MAST4: variants seen among roughly 807,000 people sequenced by gnomAD.
The protein encoded by MAST4 is microtubule associated serine/threonine kinase family member 4, also known as microtubule-associated serine/threonine-protein kinase 4.
MAST4 carries 89 observed loss-of-function variants against 162.7 expected under a neutral mutation model. That is an observed-to-expected ratio of 0.55 (90% CI 0.46 to 0.65). The LOEUF (loss-of-function observed/expected upper bound fraction) is 0.65. Among genes scored for constraint, MAST4 ranks in the 30% least tolerant of loss-of-function variants. The probability of loss-of-function intolerance (pLI) is 0.00; values close to 1 mark genes in which losing one functional copy is unlikely to be tolerated. For missense variants in MAST4, 3,153 were observed against 3,374.0 expected (o/e 0.93, Z 1.62); for synonymous variants, 1,479 against 1,361.1 (o/e 1.09, Z -1.91).
intron 1 of MAST4, among the ~76,000 whole-genome samples, chr5:66,751,083 G>T (rs528438703): frequency 1.0e-3 from 156 of 152,092 alleles, no homozygotes; most frequent in African/African-American, 3.6e-3. Context: ...GCAGCTGAGG[G>T]TCCTGTCTGT....
At chr5:66,855,558 G>C (rs1319117692) in intron 3 of MAST4, among the ~76,000 whole-genome samples, 4 of 152,184 alleles carry the variant, frequency 2.6e-5, no homozygotes, top group Non-Finnish European at 5.9e-5. Flanking sequence ...GTAGCTTCGG[G>C]ATGTTGTCAA....
chr5:67,072,745 A>G (rs1017221960), intron 5 of MAST4, among the ~76,000 whole-genome samples: 102 of 152,330 alleles, frequency 6.7e-4, no homozygotes, highest in African/African-American at 2.4e-3. Flanking sequence ...AGTGGGAGAA[A>G]GGAGTGATAT....
chr5:66,663,194 G>A (rs542771854), intron 1 of MAST4, among the ~76,000 whole-genome samples: 1 of 152,164 alleles, frequency 6.6e-6, no homozygotes, highest in South Asian at 2.1e-4. Flanking sequence ...TAGGCTGTAT[G>A]CCACCCACCT....
intron 2 of MAST4, among the ~76,000 whole-genome samples, chr5:66,774,193 G>T (rs1561321464): frequency 6.6e-6 from 1 of 152,194 alleles, no homozygotes; most frequent in Non-Finnish European, 1.5e-5. Context: ...CAAGGAAAAA[G>T]GGTTTAGATT....
Position 67,164,072 on chromosome 5 carries a change from G to C in MAST4, c.4893G>C (p.Gln1631His), listed in dbSNP as rs1324139001. ...GCCGGGTGCCTGCGGAGCACCGCCA[G>C]GGTGGCGGGGACTTCAGACGGGCCC... is the stretch of plus-strand genomic sequence containing the variant. ...SDGRVPAEHRQGGGDFRRAPA... is the reference protein window; with the variant it reads ...SDGRVPAEHRHGGGDFRRAPA... Residue 1631 changes from glutamine to histidine, a missense_variant, in exon 29 of 29, where the codon CAG becomes CAC. Gln to His is a conservative substitution (Grantham distance 24). This residue lies in a region of MAST4 where 1,644 missense variants were observed against 1,495.0 expected (regional missense o/e 1.10). Transcript: ENST00000403625. This position sits in a 1 kb window ranked among gnomAD's most constrained non-coding sequence, Gnocchi z 5.3. 6.4e-7 allele frequency: 1 copy of C among 1,569,650 alleles called. No homozygotes were observed. The highest frequency in any genetic ancestry group is 1.2e-5 in the South Asian group (1 of 85,786).
chr5:66,617,713 A>T (rs898829526), intron 1 of MAST4, among the ~76,000 whole-genome samples: 1 of 152,214 alleles, frequency 6.6e-6, no homozygotes, highest in African/African-American at 2.4e-5. Context: ...TCTTGTCCAC[A>T]TGCATGCTCA....
At chr5:66,994,172 C>T (rs561036247) in intron 4 of MAST4, among the ~76,000 whole-genome samples, 1 of 152,134 alleles carries the variant, frequency 6.6e-6, no homozygotes, top group East Asian at 1.9e-4. Flanking sequence ...CACAAGAGAT[C>T]GTGGAAGCCA....
chr5:66,823,367 C>A (rs1757085564), intron 3 of MAST4, among the ~76,000 whole-genome samples: 1 of 152,186 alleles, frequency 6.6e-6, no homozygotes, highest in Admixed American at 6.5e-5. Context: ...GATTCCTCAT[C>A]TGTGAAATGG....
At chr5:66,604,605 T>C (rs1051517495) in intron 1 of MAST4, among the ~76,000 whole-genome samples, 2 of 152,218 alleles carry the variant, frequency 1.3e-5, no homozygotes, top group Non-Finnish European at 2.9e-5. Flanking sequence ...TAGATGACTG[T>C]CTGTTAAACT....
At chr5:66,786,285 T>A (rs80238074) in intron 2 of MAST4, among the ~76,000 whole-genome samples, 4 of 151,952 alleles carry the variant, frequency 2.6e-5, no homozygotes, top group Admixed American at 2.0e-4. Context: ...TTTTTTTTTT[T>A]AATCTACGTT....
chr5:67,056,784 C>T (rs1758878402), intron 5 of MAST4, among the ~76,000 whole-genome samples: 1 of 152,172 alleles, frequency 6.6e-6, no homozygotes, highest in Non-Finnish European at 1.5e-5. Flanking sequence ...GTAACTTCTG[C>T]CTCCTGGGTT....
chr5:67,086,914 T>C (rs1763306987), intron 5 of MAST4, among the ~76,000 whole-genome samples: 1 of 152,246 alleles, frequency 6.6e-6, no homozygotes, highest in Non-Finnish European at 1.5e-5. Context: ...TAATTTGGCC[T>C]GTTCTAAATT....
intron 4 of MAST4, among the ~76,000 whole-genome samples, chr5:66,967,951 G>A (rs1425300620): frequency 2.0e-5 from 3 of 152,118 alleles, no homozygotes; most frequent in African/African-American, 7.2e-5. Context: ...GGAGCTGTTT[G>A]TATAATGGTG....
At chr5:67,144,181 C>T (rs1770759911) in intron 21 of MAST4, among the ~76,000 whole-genome samples, 1 of 152,188 alleles carries the variant, frequency 6.6e-6, no homozygotes, top group South Asian at 2.1e-4. Context: ...CCTTGCCACA[C>T]CACCACCCAG....
chr5:66,857,967 AT>A (rs1425953606), intron 3 of MAST4, among the ~76,000 whole-genome samples: 4 of 150,160 alleles, frequency 2.7e-5, no homozygotes, highest in Non-Finnish European at 3.0e-5. Flanking sequence ...TCATTTTTTT[AT>A]TTTTTTGAGA....
intron 3 of MAST4, among the ~76,000 whole-genome samples, chr5:66,788,999 C>G (rs988209796): frequency 1.3e-5 from 2 of 152,246 alleles, no homozygotes; most frequent in Non-Finnish European, 2.9e-5. Flanking sequence ...TTGGCCTCAT[C>G]TCTACCCTTC....
chr5:66,920,867 T>C (rs1330240928), intron 4 of MAST4, among the ~76,000 whole-genome samples: 4 of 152,142 alleles, frequency 2.6e-5, no homozygotes, highest in Admixed American at 1.3e-4. Flanking sequence ...GTCATTAGAA[T>C]AGAGAACTTT....
At chr5:66,874,336 G>A (rs1761146201) in intron 3 of MAST4, among the ~76,000 whole-genome samples, 1 of 152,166 alleles carries the variant, frequency 6.6e-6, no homozygotes, top group African/African-American at 2.4e-5. Flanking sequence ...TTTGATATGG[G>A]AGCATCAGGG....
chr5:66,788,607 C>CCAAGAAAAAAAAAAAAAAA, intron 2 of MAST4, 63 bp from the exon 3 acceptor site: 1 of 1,373,726 alleles, frequency 7.3e-7, no homozygotes, highest in Non-Finnish European at 1.0e-6. Flanking sequence ...CCCCCACCCC[C>CCAAGAAAAAAAAAAAAAAA]ATTGCAATAA....
Sources: gnomAD v4.1 joint callset for allele counts (sites outside exome capture counted in the v4.1 genomes callset) on GRCh38, gnomAD v4.1.1 for gene constraint, gnomAD v4.1.1 regional missense constraint, Gnocchi (gnomAD v3.1) non-coding constraint, MANE v1.5 for transcripts, NCBI Gene and HGNC (gene_info 2026-07-23, HGNC 2026-07-21) for gene names.